Variants in DENND1A observed in about 807,000 individuals in gnomAD.
DENND1A encodes DENN domain-containing protein 1A.
DENND1A carries 51 observed loss-of-function variants against 113.7 expected under a neutral mutation model. The ratio of observed to expected loss-of-function variants is 0.45; its 90% CI spans 0.36 to 0.57. The LOEUF (loss-of-function observed/expected upper bound fraction) is 0.57, where lower values mean the gene tolerates loss of function less well. Ranked by LOEUF, DENND1A falls within the 20% of genes least tolerant of loss-of-function variation. The pLI, the probability that DENND1A is intolerant of heterozygous loss-of-function variation, is 0.00. For synonymous variants in DENND1A, 565 were observed against 570.8 expected, an observed-to-expected ratio of 0.99 and a Z score of 0.14; for missense variants, 1,258 against 1,395.9, an observed-to-expected ratio of 0.90 and a Z score of 1.57.
intron 5 of DENND1A, among the ~76,000 whole-genome samples, chr9:123,740,899 T>TGAGAGAGTGAGAGAGAGAGAGAGA (rs2068953709): frequency 1.4e-4 from 15 of 108,928 alleles, no homozygotes; most frequent in African/African-American, 5.6e-4. Flanking sequence ...GAAGGGAAAG[T>TGAGAGAGTGAGAGAGAGAGAGAGA]GAGAGAGAGA....
At chr9:123,865,823 G>A (rs915474888) in intron 2 of DENND1A, among the ~76,000 whole-genome samples, 2 of 152,198 alleles carry the variant, frequency 1.3e-5, no homozygotes, top group African/African-American at 2.4e-5. Context: ...CCTAAGTAGG[G>A]GAGCCAGAAT....
intron 13 of DENND1A, among the ~76,000 whole-genome samples, chr9:123,545,181 G>A (rs1416249290): frequency 1.3e-5 from 2 of 152,012 alleles, no homozygotes; most frequent in Non-Finnish European, 2.9e-5. Flanking sequence ...TCTGTGCCAA[G>A]GATACATGAG....
intron 9 of DENND1A, among the ~76,000 whole-genome samples, chr9:123,647,460 T>C (rs2062399127): frequency 6.6e-6 from 1 of 152,222 alleles, no homozygotes; most frequent in African/African-American, 2.4e-5. Flanking sequence ...TGTTAGTTCC[T>C]CACCTGGCTT....
At position 123,429,487 on chromosome 9, in the gene DENND1A, G is replaced by A. The variant is rs1052846265; in HGVS notation, c.1488+10873C>T. Among the ~76,000 whole-genome samples the A allele has an allele frequency of 4.7e-4, 72 of 152,146 alleles. 3 individuals carry two copies. The highest frequency in any genetic ancestry group is 2.9e-5 in the Non-Finnish European group (2 of 68,016). Reference sequence around the variant, plus strand: ...TGAGAATCGCTTGAACCTGGGATGTGGAGGTTGCAGTGAGCCGAGATTGCA... The same window carrying A: ...TGAGAATCGCTTGAACCTGGGATGTAGAGGTTGCAGTGAGCCGAGATTGCA... On this transcript the variant is annotated intron_variant, in intron 19 of 23. Coordinates refer to ENST00000394215, the MANE Select transcript of DENND1A (RefSeq NM_001352964.2).
intron 13 of DENND1A, among the ~76,000 whole-genome samples, chr9:123,546,075 A>T (rs978646185): frequency 6.6e-6 from 1 of 152,128 alleles, no homozygotes; most frequent in African/African-American, 2.4e-5. Flanking sequence ...CTAGAAGAGA[A>T]TATTTACTGG....
At position 123,799,490 on chromosome 9, in the gene DENND1A, C is replaced by T. The variant is rs140498650; in HGVS notation, c.89-6860G>A. ...ACCATGGGGCTTGGTAAGTGTGATA[C>T]TAGGAGTTAATCAGCACAGGGGCAT... On this transcript the variant is annotated intron_variant, in intron 2 of 23. Coordinates refer to ENST00000394215, the MANE Select transcript of DENND1A (RefSeq NM_001352964.2). Among the ~76,000 whole-genome samples, 435 of 152,216 alleles carry T rather than the reference C, an allele frequency of 2.9e-3. 1 individual carries two copies. The highest frequency in any genetic ancestry group is 0.014 in the Middle Eastern group (4 of 294).
intron 19 of DENND1A, among the ~76,000 whole-genome samples, chr9:123,437,083 G>C (rs1410235915): frequency 6.6e-6 from 1 of 152,134 alleles, no homozygotes; most frequent in Non-Finnish European, 1.5e-5. Context: ...CCTCTGGGGG[G>C]CCCTGGGAGT....
intron 13 of DENND1A, among the ~76,000 whole-genome samples, chr9:123,533,194 C>G (rs182185196): frequency 6.6e-6 from 1 of 152,352 alleles, no homozygotes; most frequent in Admixed American, 6.5e-5. Context: ...TTACTAGCCA[C>G]GTGGTCAGAG....
intron 18 of DENND1A, among the ~76,000 whole-genome samples, chr9:123,448,363 C>T (rs969310655): frequency 1.3e-5 from 2 of 152,216 alleles, no homozygotes; most frequent in Non-Finnish European, 2.9e-5. Flanking sequence ...GAGGCTTGCA[C>T]ATACAAGTAG....
chr9:123,897,642 A>C (rs1221027356), intron 1 of DENND1A, among the ~76,000 whole-genome samples: 2 of 151,876 alleles, frequency 1.3e-5, no homozygotes, highest in African/African-American at 4.8e-5. Flanking sequence ...CTGATTTTGA[A>C]CTCCAGGGCT....
At chr9:123,637,969 A>G (rs1338638329) in intron 9 of DENND1A, among the ~76,000 whole-genome samples, 1 of 151,500 alleles carries the variant, frequency 6.6e-6, no homozygotes, top group Non-Finnish European at 1.5e-5. Context: ...ACACACACAC[A>G]CACACCAAAA....
intron 2 of DENND1A, among the ~76,000 whole-genome samples, chr9:123,833,082 G>A (rs1462311902): frequency 1.6e-5 from 2 of 128,262 alleles, no homozygotes; most frequent in African/African-American, 3.2e-5. Context: ...CTATGATTGC[G>A]CCACTGCGCT....
At chr9:123,845,291 G>A (rs921209130) in intron 2 of DENND1A, among the ~76,000 whole-genome samples, 1 of 152,020 alleles carries the variant, frequency 6.6e-6, no homozygotes, top group Non-Finnish European at 1.5e-5. Context: ...TCAACAGAAG[G>A]TGCAGGGGCA....
chr9:123,436,319 G>A (rs758820396), intron 19 of DENND1A, among the ~76,000 whole-genome samples: 1 of 152,256 alleles, frequency 6.6e-6, no homozygotes, highest in Non-Finnish European at 1.5e-5. Flanking sequence ...AGGAGTCTAT[G>A]GGCAGCTCCA....
chr9:123,412,933 C>G (rs77762958), intron 19 of DENND1A, among the ~76,000 whole-genome samples: 1 of 152,322 alleles, frequency 6.6e-6, no homozygotes, highest in East Asian at 1.9e-4. Flanking sequence ...CTCTAAATCC[C>G]AGCACTTTGG....
chr9:123,703,042 C>T (rs1030423587), intron 5 of DENND1A, among the ~76,000 whole-genome samples: 16 of 152,126 alleles, frequency 1.1e-4, no homozygotes, highest in East Asian at 5.8e-4. Flanking sequence ...AGTGTAGTGG[C>T]GCGATCTCGG....
intron 13 of DENND1A, among the ~76,000 whole-genome samples, chr9:123,490,153 G>A (rs1466928978): frequency 6.6e-6 from 1 of 152,178 alleles, no homozygotes; most frequent in Non-Finnish European, 1.5e-5. Context: ...TGTACAAGGT[G>A]CAAAGTTTTA....
intron 5 of DENND1A, among the ~76,000 whole-genome samples, chr9:123,685,892 T>C (rs1372829909): frequency 2.6e-5 from 4 of 152,144 alleles, no homozygotes; most frequent in Admixed American, 2.6e-4. Flanking sequence ...TCTTATTTTA[T>C]GGTTTAAATT....
intron 11 of DENND1A, among the ~76,000 whole-genome samples, chr9:123,604,552 C>T (rs2060066710): frequency 6.6e-6 from 1 of 152,180 alleles, no homozygotes; most frequent in Non-Finnish European, 1.5e-5. Context: ...ATGCCAGACA[C>T]TGGGATATGC....
Sources: allele counts gnomAD v4.1 joint callset (sites outside exome capture counted in the v4.1 genomes callset), GRCh38; gene constraint gnomAD v4.1.1; transcripts MANE v1.5; gene names NCBI Gene and HGNC (gene_info 2026-07-23, HGNC 2026-07-21).